Variants in DIAPH2 observed in about 807,000 individuals in gnomAD.
The protein encoded by DIAPH2 is protein diaphanous homolog 2.
A neutral mutation model predicts 92.7 loss-of-function variants in DIAPH2; 35 were observed. That is an observed-to-expected ratio of 0.38 (90% CI 0.29 to 0.50). The LOEUF is 0.50. Among genes scored for constraint, DIAPH2 ranks in the 20% least tolerant of loss-of-function variants. The pLI, the probability that DIAPH2 is intolerant of heterozygous loss-of-function variation, is 0.94. For missense variants in DIAPH2, 701 were observed against 819.5 expected (o/e 0.86, Z 1.77); for synonymous variants, 301 against 280.4 (o/e 1.07, Z -0.73).
At chrX:96,698,593 T>C (rs1390969802) in intron 1 of DIAPH2, among the ~76,000 whole-genome samples, 3 of 111,191 alleles carry the variant, frequency 2.7e-5, no homozygotes, top group Non-Finnish European at 5.6e-5. Context: ...TCCCCTTAGT[T>C]TGATCCATCA....
chrX:97,458,166 A>G (rs140548762), intron 26 of DIAPH2, among the ~76,000 whole-genome samples: 49 of 111,434 alleles, frequency 4.4e-4, no homozygotes, highest in African/African-American at 1.4e-3. Flanking sequence ...ACACCAGAGT[A>G]TGAATACCAA....
intron 17 of DIAPH2, among the ~76,000 whole-genome samples, chrX:97,040,364 A>G (rs910088215): frequency 9.9e-5 from 11 of 110,812 alleles, no homozygotes; most frequent in Non-Finnish European, 1.7e-4. Flanking sequence ...ACCTGAGCTT[A>G]TAGAACTGTA....
intron 19 of DIAPH2, among the ~76,000 whole-genome samples, chrX:97,098,822 G>A (rs776316505): frequency 3.5e-5 from 4 of 112,996 alleles, no homozygotes; most frequent in South Asian, 7.2e-4. Flanking sequence ...GGATAATCAC[G>A]TTGAGGATTA....
intron 24 of DIAPH2, among the ~76,000 whole-genome samples, chrX:97,358,559 TCTA>T (rs1193693243): frequency 9.0e-6 from 1 of 111,671 alleles, no homozygotes; most frequent in East Asian, 2.8e-4. Flanking sequence ...ATAAGCAAAA[TCTA>T]CTAGATAAGT....
intron 23 of DIAPH2, among the ~76,000 whole-genome samples, chrX:97,299,375 G>T (rs1197193335): frequency 5.4e-5 from 6 of 111,838 alleles, no homozygotes; most frequent in African/African-American, 1.9e-4. Context: ...TTTCATTTTA[G>T]AGAGTGCTTG....
intron 24 of DIAPH2, among the ~76,000 whole-genome samples, chrX:97,365,683 TTTTTTTTTTCA>T (rs1190596399): frequency 9.4e-6 from 1 of 106,379 alleles, no homozygotes; most frequent in Non-Finnish European, 1.9e-5. Context: ...TCTTTCTTTC[TTTTTTTTTTCA>T]TTTTTTTTTT....
At chrX:97,291,676 G>GCAC (rs1274356985) in intron 23 of DIAPH2, among the ~76,000 whole-genome samples, 1 of 108,514 alleles carries the variant, frequency 9.2e-6, no homozygotes, top group African/African-American at 3.4e-5. Flanking sequence ...GAGATTACAG[G>GCAC]CACCCGCCAC....
At chrX:97,392,361 C>T (rs942797718) in intron 25 of DIAPH2, among the ~76,000 whole-genome samples, 30 of 111,738 alleles carry the variant, frequency 2.7e-4, no homozygotes, top group African/African-American at 9.8e-4. Context: ...AAGAAATAGT[C>T]TCCACCCTTA....
chrX:97,594,529 C>T (rs2071538450), intron 26 of DIAPH2, among the ~76,000 whole-genome samples: 1 of 112,582 alleles, frequency 8.9e-6, no homozygotes, highest in Non-Finnish European at 1.9e-5. Flanking sequence ...TTTTTGGAAG[C>T]AACATAAAAA....
intron 5 of DIAPH2, among the ~76,000 whole-genome samples, chrX:96,889,456 G>A (rs947040305): frequency 2.7e-5 from 3 of 111,386 alleles, no homozygotes; most frequent in African/African-American, 6.5e-5. Flanking sequence ...GATAAATTAC[G>A]AAAACAATTT....
chrX:97,135,177 G>T (rs2067161925), intron 21 of DIAPH2, among the ~76,000 whole-genome samples: 1 of 102,779 alleles, frequency 9.7e-6, no homozygotes, highest in African/African-American at 3.3e-5. Context: ...AACAAAGACA[G>T]AATTTAGTAG....
intron 4 of DIAPH2, among the ~76,000 whole-genome samples, chrX:96,819,158 C>T (rs1384665280): frequency 8.9e-6 from 1 of 112,076 alleles, no homozygotes; most frequent in Admixed American, 9.4e-5. Flanking sequence ...GTTGGGGACC[C>T]TTGTTGTAGA....
At chrX:96,980,243 T>A (rs2065986694) in intron 17 of DIAPH2, among the ~76,000 whole-genome samples, 1 of 111,076 alleles carries the variant, frequency 9.0e-6, no homozygotes, top group Non-Finnish European at 1.9e-5. Flanking sequence ...ATGTAGGGGA[T>A]GTTATTGCCA....
chrX:96,965,218 AAAAAT>A lies in DIAPH2; in HGVS notation c.2050+18_2050+22del. On this transcript the variant is annotated intron_variant, in intron 17 of 26. Coordinates refer to ENST00000324765, the MANE Select transcript of DIAPH2 (RefSeq NM_006729.5). ...CTACTCAGATAAAAGGTACATTTTT[AAAAAT>A]AAAATATAAGTTCCCGATTCAGGTA... 3.5e-6 allele frequency: 4 copies of A among 1,127,678 alleles called. No homozygotes were observed. The highest frequency in any genetic ancestry group is 3.5e-6 in the Non-Finnish European group (3 of 846,950). The allele number at this position is 1,127,678 out of a possible 1,213,427, so 92.9% of individuals were successfully genotyped here.
intron 26 of DIAPH2, among the ~76,000 whole-genome samples, chrX:97,530,839 C>T (rs1377315757): frequency 9.0e-6 from 1 of 111,714 alleles, no homozygotes; most frequent in Non-Finnish European, 1.9e-5. Context: ...AGGACAGTGA[C>T]AATTAGTGAA....
chrX:97,052,816 G>A (rs1473702594), intron 17 of DIAPH2, among the ~76,000 whole-genome samples: 5 of 111,325 alleles, frequency 4.5e-5, no homozygotes, highest in East Asian at 5.6e-4. Context: ...TAGCATGAGG[G>A]TTGATATCCT....
intron 22 of DIAPH2, among the ~76,000 whole-genome samples, chrX:97,241,799 C>T (rs1602443250): frequency 5.8e-5 from 4 of 68,725 alleles, no homozygotes; most frequent in South Asian, 1.6e-3. Context: ...TTTTTTGAGA[C>T]GGAGTCTCAC....
chrX:97,599,394 C>T lies in DIAPH2; in HGVS notation c.*77C>T. 1.4e-6 allele frequency: 1 copy of T among 708,125 alleles called. No individual in the cohort carries two copies. Among genetic ancestry groups the T allele is most frequent in the Non-Finnish European group, 2.1e-6 (1 of 477,762 alleles). 58.4% of individuals were successfully genotyped at this position (708,125 alleles called of 1,213,427 possible). On this transcript the variant is annotated 3_prime_UTR_variant, in exon 27 of 27. Coordinates refer to ENST00000324765, the MANE Select transcript of DIAPH2 (RefSeq NM_006729.5). ...TTTTGAGAAGAACAAAGTGTGCACTCAGCGGCTGGAAAGGAAATAAGTGCA... is the reference window on the plus strand; with the variant it reads ...TTTTGAGAAGAACAAAGTGTGCACTTAGCGGCTGGAAAGGAAATAAGTGCA...
intron 15 of DIAPH2, among the ~76,000 whole-genome samples, chrX:96,950,375 T>C (rs756732991): frequency 2.7e-5 from 3 of 111,238 alleles, no homozygotes; most frequent in Non-Finnish European, 5.7e-5. Flanking sequence ...TCAAACCCAG[T>C]TTTGTGGTTT....
Sources: allele counts gnomAD v4.1 joint callset (sites outside exome capture counted in the v4.1 genomes callset), GRCh38; gene constraint gnomAD v4.1.1; transcripts MANE v1.5; gene names NCBI Gene and HGNC (gene_info 2026-07-23, HGNC 2026-07-21).